Variants in TMEM243 observed in about 807,000 individuals in gnomAD.
TMEM243 encodes MDR1 and mitochondrial taxol resistance associated.
Under a neutral mutation model 15.0 loss-of-function variants are expected in TMEM243, and 20 were observed. That is an observed-to-expected ratio of 1.33 (90% CI 0.94 to 1.93). TMEM243 has a LOEUF of 1.93. TMEM243 is among the 30% of genes most tolerant of loss of function. The pLI, the probability that TMEM243 is intolerant of heterozygous loss-of-function variation, is 0.00. For missense variants in TMEM243, 156 were observed against 142.1 expected (o/e 1.10, Z -0.50); for synonymous variants, 72 against 52.7 (o/e 1.37, Z -1.59).
At chr7:87,208,463 C>T (rs929291092) in intron 1 of TMEM243, among the ~76,000 whole-genome samples, 5 of 152,184 alleles carry the variant, frequency 3.3e-5, no homozygotes, top group Non-Finnish European at 7.4e-5. Context: ...TGGTTTTGGG[C>T]GGCTCTGCCC....
At chr7:87,208,330 A>C (rs1802373925) in intron 1 of TMEM243, among the ~76,000 whole-genome samples, 1 of 152,224 alleles carries the variant, frequency 6.6e-6, no homozygotes, top group Admixed American at 6.5e-5. Flanking sequence ...CCAAAATCAG[A>C]AAAACTGGCC....
intron 1 of TMEM243, among the ~76,000 whole-genome samples, chr7:87,213,382 G>A (rs1029624017): frequency 1.3e-5 from 2 of 152,232 alleles, no homozygotes; most frequent in African/African-American, 4.8e-5. Flanking sequence ...GGCTGAATGA[G>A]AGGAGAGGAG....
intron 1 of TMEM243, among the ~76,000 whole-genome samples, chr7:87,218,919 T>C (rs1803293104): frequency 6.6e-6 from 1 of 152,168 alleles, no homozygotes; most frequent in South Asian, 2.1e-4. Context: ...CCTTGATCAC[T>C]TCCTGGAATG....
At chr7:87,220,379 C>G (rs942704077), upstream of TMEM243, 3 of 152,680 alleles carry the variant, frequency 2.0e-5, no homozygotes, top group Admixed American at 6.5e-5. Context: ...CCCCTAGGCG[C>G]TCGCACGCTG....
intron 1 of TMEM243, chr7:87,216,745 G>A (rs938080258): frequency 1.3e-5 from 2 of 152,086 alleles, no homozygotes; most frequent in Non-Finnish European, 2.9e-5. Context: ...CTCACCTCAC[G>A]ACTTGGGGCA....
rs945145832 is a variant in TMEM243 at position 87,197,773 on chromosome 7, A to G, written c.234+168T>C. ...GGTTACAACTTTGGGATTTAGGAGA[A>G]AAGGAGAAGACTCAGATTTTATTGA... On this transcript the variant is annotated intron_variant, in intron 3 of 3. Transcript: ENST00000257637. 4.1e-6 allele frequency: 6 copies of G among 1,457,232 alleles called. No individual in the cohort carries two copies. In the Admixed American group the frequency reaches 1.2e-4, roughly 29 times the overall value. 90.3% of individuals were successfully genotyped at this position (1,457,232 alleles called of 1,614,324 possible). A position where few individuals can be genotyped will look rare whatever the true frequency, so the allele number is the denominator to read the frequency against.
chr7:87,211,605 G>A (rs909169911), intron 1 of TMEM243, among the ~76,000 whole-genome samples: 3 of 152,218 alleles, frequency 2.0e-5, no homozygotes, highest in Non-Finnish European at 4.4e-5. Context: ...CCAGTCAGAA[G>A]CCTAAGGGGC....
intron 3 of TMEM243, 199 bp downstream of exon 3, chr7:87,197,742 C>A: frequency 2.9e-5 from 9 of 306,852 alleles, no homozygotes; most frequent in Admixed American, 1.0e-4. Flanking sequence ...TGGAATTTCT[C>A]TTTGGGGTTA....
intron 1 of TMEM243, among the ~76,000 whole-genome samples, chr7:87,206,423 T>C (rs1164214679): frequency 1.3e-5 from 2 of 152,240 alleles, no homozygotes; most frequent in Non-Finnish European, 2.9e-5. Flanking sequence ...CATTTAATGA[T>C]GGGAAAGACA....
At chr7:87,201,746 T>C (rs2129223850) in intron 1 of TMEM243, among the ~76,000 whole-genome samples, 1 of 152,238 alleles carries the variant, frequency 6.6e-6, no homozygotes, top group East Asian at 1.9e-4. Flanking sequence ...AGCTAGTCTC[T>C]ATTAACTCAA....
At chr7:87,197,907 C>CAAGAA (rs1801467547) in intron 3 of TMEM243, 34 bp downstream of exon 3, 1 of 1,612,566 alleles carries the variant, frequency 6.2e-7, no homozygotes, top group South Asian at 1.1e-5. Flanking sequence ...CTTAAACCCT[C>CAAGAA]AAGAACACTG....
chr7:87,216,395 G>A (rs1237828902), intron 1 of TMEM243, among the ~76,000 whole-genome samples: 4 of 152,136 alleles, frequency 2.6e-5, no homozygotes, highest in East Asian at 1.9e-4. Context: ...GCAGTGAACC[G>A]TGGTCAGGCC....
At chr7:87,200,040 C>T (rs965704090) in intron 1 of TMEM243, among the ~76,000 whole-genome samples, 1 of 152,102 alleles carries the variant, frequency 6.6e-6, no homozygotes, top group Non-Finnish European at 1.5e-5. Context: ...GGGAAGGACA[C>T]AGGAACAATC....
At chr7:87,213,585 CTT>C (rs1220089064) in intron 1 of TMEM243, among the ~76,000 whole-genome samples, 3 of 152,142 alleles carry the variant, frequency 2.0e-5, no homozygotes, top group African/African-American at 7.2e-5. Flanking sequence ...TTCTTTTTCT[CTT>C]CTTTGCATTT....
chr7:87,218,440 C>T (rs1803261587), intron 1 of TMEM243, among the ~76,000 whole-genome samples: 1 of 152,182 alleles, frequency 6.6e-6, no homozygotes, highest in Non-Finnish European at 1.5e-5. Flanking sequence ...CAGGGCTATT[C>T]CCCAGACTGC....
In TMEM243 at chr7:87,209,705, T is replaced by TGA. The variant is rs1224392395; in HGVS notation, c.78+9719_78+9720dup. Among the ~76,000 whole-genome samples, 659 of 78,420 alleles carry TGA rather than the reference T, an allele frequency of 8.4e-3. 33 individuals are homozygous for TGA. The highest frequency in any genetic ancestry group is 0.022 in the African/African-American group (386 of 17,228). 51.4% of individuals were successfully genotyped at this position (78,420 alleles called of 152,430 possible). A position where few individuals can be genotyped will look rare whatever the true frequency, so the allele number is the denominator to read the frequency against. On this transcript the variant is annotated intron_variant, in intron 1 of 3. Coordinates refer to ENST00000257637, the MANE Select transcript of TMEM243 (RefSeq NM_024315.4). ...GACACAGCGAGAGAGCGAGACACAG[T>TGA]GAGAGCGAGACACAGTGAGAGCGAG...
chr7:87,209,666 G>GAGAC (rs149690626), intron 1 of TMEM243, among the ~76,000 whole-genome samples: 115,782 of 131,940 alleles, frequency 0.88, 50,453 homozygotes, highest in East Asian at 0.96. Flanking sequence ...CAGAGCGAGA[G>GAGAC]AGAGCGAGAG....
chr7:87,211,364 C>G (rs920960457), intron 1 of TMEM243, among the ~76,000 whole-genome samples: 9 of 152,178 alleles, frequency 5.9e-5, no homozygotes, highest in South Asian at 4.1e-4. Context: ...AGCAAGGCAA[C>G]ACATTGAGCA....
chr7:87,198,831 C>A, intron 2 of TMEM243, 176 bp downstream of exon 2: 1 of 554,050 alleles, frequency 1.8e-6, no homozygotes, highest in Non-Finnish European at 3.2e-6. Context: ...TACCATTTCA[C>A]ATATTCAACC....
Sources: gnomAD v4.1 joint callset for allele counts (sites outside exome capture counted in the v4.1 genomes callset) on GRCh38, gnomAD v4.1.1 for gene constraint, MANE v1.5 for transcripts, NCBI Gene and HGNC (gene_info 2026-07-23, HGNC 2026-07-21) for gene names.